Variants in CSMD1 observed in about 807,000 individuals in gnomAD.
CSMD1 encodes the protein CUB and Sushi multiple domains 1.
Under a neutral mutation model 417.5 loss-of-function variants are expected in CSMD1, and 213 were observed. The observed-to-expected ratio is 0.51, with a 90% CI of 0.46 to 0.57. The LOEUF (loss-of-function observed/expected upper bound fraction) is 0.57, where lower values mean the gene tolerates loss of function less well. Among genes scored for constraint, CSMD1 ranks in the 20% least tolerant of loss-of-function variants. The pLI, the probability that CSMD1 is intolerant of heterozygous loss-of-function variation, is 0.00. For synonymous variants in CSMD1, 2,862 were observed against 1,736.8 expected (o/e 1.65, Z -16.11); for missense variants, 6,923 against 4,529.7 (o/e 1.53, Z -15.17).
intron 2 of CSMD1, among the ~76,000 whole-genome samples, chr8:4,579,592 C>T (rs574306843): frequency 2.0e-5 from 3 of 152,012 alleles, no homozygotes; most frequent in Non-Finnish European, 4.4e-5. Flanking sequence ...TCGAGATCCT[C>T]ACCTCATGAT....
intron 10 of CSMD1, among the ~76,000 whole-genome samples, chr8:3,552,337 T>A (rs1224835883): frequency 6.6e-6 from 1 of 152,206 alleles, no homozygotes; most frequent in African/African-American, 2.4e-5. Flanking sequence ...CTCTTTTTTT[T>A]TGCATATTTC....
intron 3 of CSMD1, among the ~76,000 whole-genome samples, chr8:4,243,265 C>G (rs907407690): frequency 6.6e-6 from 1 of 152,108 alleles, no homozygotes. Flanking sequence ...TATTTTCTTA[C>G]CTAGTCTCAT....
At chr8:4,256,752 G>T (rs12675002) in intron 3 of CSMD1, among the ~76,000 whole-genome samples, 1 of 152,082 alleles carries the variant, frequency 6.6e-6, no homozygotes, top group Non-Finnish European at 1.5e-5. Flanking sequence ...GTGAGGTACA[G>T]GGCAGTGCCC....
chr8:4,895,844 A>T (rs1804446815), intron 1 of CSMD1, among the ~76,000 whole-genome samples: 1 of 152,036 alleles, frequency 6.6e-6, no homozygotes, highest in African/African-American at 2.4e-5. Context: ...CTTTACCACG[A>T]TATTATTTAT....
intron 10 of CSMD1, among the ~76,000 whole-genome samples, chr8:3,564,517 T>TTGTG (rs34665230): frequency 0.15 from 21,558 of 145,394 alleles, 1,903 homozygotes; most frequent in East Asian, 0.3. Context: ...CACAGTATAT[T>TTGTG]TGTGTGTGTG....
intron 5 of CSMD1, among the ~76,000 whole-genome samples, chr8:3,966,616 T>G (rs1170382690): frequency 4.6e-5 from 7 of 152,106 alleles, no homozygotes; most frequent in Non-Finnish European, 8.8e-5. Flanking sequence ...TCATATTCAT[T>G]ATTTTTTCAA....
In CSMD1 at chr8:3,801,217, C is replaced by T. The variant is rs75062041; in HGVS notation, c.819-47175G>A. Among the ~76,000 whole-genome samples the T allele has an allele frequency of 6.5e-3, 986 of 151,512 alleles. 10 individuals carry two copies. Among genetic ancestry groups the T allele is most frequent in the African/African-American group, 0.022 (897 of 41,290 alleles). On this transcript the variant is annotated intron_variant, in intron 5 of 69. Coordinates refer to ENST00000635120, the MANE Select transcript of CSMD1 (RefSeq NM_033225.6). ...ATATTTGCAAATACTACATCCAAAA[C>T]GGTCTAATAACCAGAATATATAGAG...
At chr8:3,006,137 C>G (rs1449958376) in intron 52 of CSMD1, among the ~76,000 whole-genome samples, 2,797 of 151,164 alleles carry the variant, frequency 0.019, 93 homozygotes, top group African/African-American at 0.066. Context: ...AACAGACAAA[C>G]AGAGAGCCAA....
intron 7 of CSMD1, among the ~76,000 whole-genome samples, chr8:3,702,493 CAGAAGA>C (rs761041681): frequency 2.6e-5 from 4 of 152,104 alleles, no homozygotes; most frequent in South Asian, 2.1e-4. Flanking sequence ...GAAGAATGCT[CAGAAGA>C]AGAAGAAGAA....
At chr8:3,329,058 T>A (rs1416475463) in intron 23 of CSMD1, among the ~76,000 whole-genome samples, 2 of 151,926 alleles carry the variant, frequency 1.3e-5, no homozygotes, top group Admixed American at 1.3e-4. Flanking sequence ...GCTGTTGGCA[T>A]GGAATGGAGG....
chr8:3,999,941 T>C (rs923108242), intron 4 of CSMD1, among the ~76,000 whole-genome samples: 6 of 152,210 alleles, frequency 3.9e-5, no homozygotes, highest in African/African-American at 1.2e-4. Flanking sequence ...TATTTTAAGA[T>C]TAATAATTAT....
chr8:4,108,121 G>C (rs989657469), intron 3 of CSMD1, among the ~76,000 whole-genome samples: 2 of 151,980 alleles, frequency 1.3e-5, no homozygotes, highest in Non-Finnish European at 2.9e-5. Flanking sequence ...GGAGGAGGAG[G>C]AGGAGGGTAG....
At chr8:3,973,426 G>C (rs1253575362) in intron 5 of CSMD1, among the ~76,000 whole-genome samples, 1 of 152,144 alleles carries the variant, frequency 6.6e-6, no homozygotes, top group Non-Finnish European at 1.5e-5. Context: ...TGAAGTTTAT[G>C]CAAATTATAA....
chr8:4,941,366 A>T (rs1170369644), intron 1 of CSMD1, among the ~76,000 whole-genome samples: 1 of 152,178 alleles, frequency 6.6e-6, no homozygotes, highest in Non-Finnish European at 1.5e-5. Flanking sequence ...ATGATATTCA[A>T]AATAAAAATA....
chr8:4,156,954 C>T (rs1796868774), intron 3 of CSMD1, among the ~76,000 whole-genome samples: 1 of 152,108 alleles, frequency 6.6e-6, no homozygotes, highest in South Asian at 2.1e-4. Flanking sequence ...ATCCAACCAA[C>T]TTTGCAACTG....
chr8:4,143,427 G>A (rs1803916108), intron 3 of CSMD1, among the ~76,000 whole-genome samples: 1 of 148,192 alleles, frequency 6.7e-6, no homozygotes, highest in Admixed American at 6.7e-5. Flanking sequence ...CAGGCTGAAA[G>A]TTCGGATACC....
chr8:3,292,345 G>A (rs532474693), intron 25 of CSMD1, among the ~76,000 whole-genome samples: 86 of 152,152 alleles, frequency 5.7e-4, no homozygotes, highest in Non-Finnish European at 1.0e-3. Flanking sequence ...TATTAGGTCC[G>A]CTTGGTGCAG....
At chr8:3,850,015 C>A (rs527492833) in intron 5 of CSMD1, among the ~76,000 whole-genome samples, 47 of 141,784 alleles carry the variant, frequency 3.3e-4, no homozygotes, top group African/African-American at 1.0e-3. Flanking sequence ...ATGTTGGTCT[C>A]AAACTTCTGA....
intron 3 of CSMD1, among the ~76,000 whole-genome samples, chr8:4,195,691 C>A (rs1255743651): frequency 6.6e-6 from 1 of 152,098 alleles, no homozygotes; most frequent in Non-Finnish European, 1.5e-5. Flanking sequence ...TGAAGAATTC[C>A]ACGCAGGGAG....
Sources: gnomAD v4.1 joint callset for allele counts (sites outside exome capture counted in the v4.1 genomes callset) on GRCh38, gnomAD v4.1.1 for gene constraint, MANE v1.5 for transcripts, NCBI Gene and HGNC (gene_info 2026-07-23, HGNC 2026-07-21) for gene names.